Variants in CSMD1 observed in about 807,000 individuals in gnomAD.
CSMD1 encodes CUB and Sushi multiple domains 1, also known as CUB and sushi domain-containing protein 1.
A neutral mutation model predicts 417.5 loss-of-function variants in CSMD1; 213 were observed. The ratio of observed to expected loss-of-function variants is 0.51; its 90% CI spans 0.46 to 0.57. The LOEUF is 0.57. Among genes scored for constraint, CSMD1 ranks in the 20% least tolerant of loss-of-function variants. The pLI is 0.00. For synonymous variants in CSMD1, 2,862 were observed against 1,736.8 expected (o/e 1.65, Z -16.11); for missense variants, 6,923 against 4,529.7 (o/e 1.53, Z -15.17).
intron 26 of CSMD1, among the ~76,000 whole-genome samples, chr8:3,231,962 T>G (rs1048496798): frequency 6.6e-6 from 1 of 152,240 alleles, no homozygotes; most frequent in Non-Finnish European, 1.5e-5. Flanking sequence ...GAAGCTGTCT[T>G]CACCACTCTC....
intron 50 of CSMD1, chr8:3,043,773 C>A: frequency 6.6e-6 from 1 of 152,288 alleles, no homozygotes. Flanking sequence ...ACCGTCAGCT[C>A]AAAGTGAATT....
chr8:4,002,019 T>G (rs1374058379), intron 4 of CSMD1, among the ~76,000 whole-genome samples: 2 of 152,204 alleles, frequency 1.3e-5, no homozygotes, highest in African/African-American at 4.8e-5. Context: ...CAAGATATAT[T>G]AGAATTGTTT....
At chr8:4,445,076 G>A (rs1044333568) in intron 2 of CSMD1, among the ~76,000 whole-genome samples, 8 of 152,138 alleles carry the variant, frequency 5.3e-5, no homozygotes, top group South Asian at 2.1e-4. Context: ...AAAACTACAT[G>A]TTTAACATGT....
At chr8:4,659,198 A>G (rs1358888627) in intron 1 of CSMD1, among the ~76,000 whole-genome samples, 1 of 152,178 alleles carries the variant, frequency 6.6e-6, no homozygotes, top group Non-Finnish European at 1.5e-5. Flanking sequence ...ACACAAAAAT[A>G]TATATGGAAT....
chr8:3,262,495 G>C (rs926774605), intron 26 of CSMD1, among the ~76,000 whole-genome samples: 5 of 150,798 alleles, frequency 3.3e-5, no homozygotes, highest in African/African-American at 1.2e-4. Context: ...CATAATTACT[G>C]TTTATCCAAG....
At chr8:4,128,352 G>A (rs1052636845) in intron 3 of CSMD1, among the ~76,000 whole-genome samples, 2 of 152,152 alleles carry the variant, frequency 1.3e-5, no homozygotes, top group South Asian at 2.1e-4. Context: ...CGTGAACCAA[G>A]TAAAAACTTA....
At chr8:3,009,597 C>G (rs577715461) in intron 52 of CSMD1, among the ~76,000 whole-genome samples, 95 of 152,300 alleles carry the variant, frequency 6.2e-4, no homozygotes, top group African/African-American at 2.2e-3. Context: ...ATTGAAGTCT[C>G]TTGATCTCCA....
chr8:4,214,999 G>A (rs539686238), intron 3 of CSMD1, among the ~76,000 whole-genome samples: 10 of 152,282 alleles, frequency 6.6e-5, no homozygotes, highest in Non-Finnish European at 1.5e-4. Flanking sequence ...GGATTACTGA[G>A]AAAGTCAAGT....
intron 3 of CSMD1, among the ~76,000 whole-genome samples, chr8:4,190,214 G>T (rs138629802): frequency 2.8e-5 from 4 of 140,950 alleles, no homozygotes; most frequent in African/African-American, 1.1e-4. Flanking sequence ...AGCTGAGATC[G>T]AGTCACTGCC....
intron 1 of CSMD1, among the ~76,000 whole-genome samples, chr8:4,700,171 C>T (rs1206980078): frequency 6.6e-6 from 1 of 151,964 alleles, no homozygotes; most frequent in Admixed American, 6.6e-5. Context: ...CTATTCAGTT[C>T]ATGTTTATGA....
At chr8:4,217,514 G>C (rs1519168) in intron 3 of CSMD1, among the ~76,000 whole-genome samples, 72,533 of 151,980 alleles carry the variant, frequency 0.48, 20,802 homozygotes, top group Non-Finnish European at 0.63. Flanking sequence ...ATCAAGGGGA[G>C]GGAGAAGGTG....
intron 3 of CSMD1, among the ~76,000 whole-genome samples, chr8:4,070,072 T>G (rs907943223): frequency 6.6e-6 from 1 of 152,156 alleles, no homozygotes; most frequent in African/African-American, 2.4e-5. Context: ...AGTGTTTTAG[T>G]GTTTGCTCTT....
At chr8:3,664,736 A>C (rs2117477302) in intron 7 of CSMD1, among the ~76,000 whole-genome samples, 1 of 152,346 alleles carries the variant, frequency 6.6e-6, no homozygotes, top group Non-Finnish European at 1.5e-5. Context: ...ATATCTAATG[A>C]AGATGTCCAG....
chr8:4,020,042 C>T (rs542308015), intron 4 of CSMD1, among the ~76,000 whole-genome samples: 5 of 151,798 alleles, frequency 3.3e-5, no homozygotes, highest in East Asian at 1.9e-4. Flanking sequence ...TAAAATCGTG[C>T]TTAAGAGTGG....
intron 5 of CSMD1, among the ~76,000 whole-genome samples, chr8:3,903,395 G>A (rs896183820): frequency 9.9e-5 from 15 of 152,004 alleles, no homozygotes; most frequent in East Asian, 3.9e-4. Flanking sequence ...ATTATCATAA[G>A]CTTTCCAATG....
intron 11 of CSMD1, among the ~76,000 whole-genome samples, chr8:3,482,414 TCAGAGA>T (rs1334735407): frequency 6.6e-6 from 1 of 152,016 alleles, no homozygotes; most frequent in African/African-American, 2.4e-5. Flanking sequence ...AATAAAAGTA[TCAGAGA>T]CAAAGAGGGA....
intron 12 of CSMD1, among the ~76,000 whole-genome samples, chr8:3,414,011 C>T (rs776463376): frequency 2.0e-5 from 3 of 151,376 alleles, no homozygotes; most frequent in Non-Finnish European, 2.9e-5. Flanking sequence ...TGGTGGTGCA[C>T]GCCTGGAATC....
chr8:3,928,515 G>A (rs952966586), intron 5 of CSMD1, among the ~76,000 whole-genome samples: 5 of 135,792 alleles, frequency 3.7e-5, no homozygotes, highest in Admixed American at 2.1e-4. Flanking sequence ...CTGCCCAGCT[G>A]CATTCACAGG....
At chr8:3,675,975 C>T (rs1468177485) in intron 7 of CSMD1, among the ~76,000 whole-genome samples, 1 of 152,138 alleles carries the variant, frequency 6.6e-6, no homozygotes, top group Non-Finnish European at 1.5e-5. Context: ...CTGCCATCTT[C>T]CCAGTCAGAG....
Sources: gnomAD v4.1 joint callset for allele counts (sites outside exome capture counted in the v4.1 genomes callset) on GRCh38, gnomAD v4.1.1 for gene constraint, MANE v1.5 for transcripts, NCBI Gene and HGNC (gene_info 2026-07-23, HGNC 2026-07-21) for gene names.